The following DHRSX variants were observed in gnomAD, a reference collection of about 807,000 sequenced individuals.
DHRSX encodes dehydrogenase/reductase X-linked.
Under a neutral mutation model 34.0 loss-of-function variants are expected in DHRSX, and 31 were observed. The observed-to-expected ratio is 0.91, with a 90% CI of 0.69 to 1.23. DHRSX has a LOEUF of 1.23. Among genes scored for constraint, DHRSX ranks in the 50% most tolerant of loss-of-function variants. DHRSX has a pLI of 0.00. For synonymous variants in DHRSX, 201 were observed against 183.8 expected (o/e 1.09, Z -0.76); for missense variants, 414 against 428.1 (o/e 0.97, Z 0.29).
At chrX:2,359,935 G>T (rs1221997192) in intron 3 of DHRSX, among the ~76,000 whole-genome samples, 1 of 152,088 alleles carries the variant, frequency 6.6e-6, no homozygotes, top group Admixed American at 6.6e-5. Flanking sequence ...AAGGTGGGAG[G>T]AGGGACAGGA....
intron 6 of DHRSX, among the ~76,000 whole-genome samples, chrX:2,227,419 GGGAA>G (rs1273649024): frequency 4.0e-5 from 6 of 149,874 alleles, no homozygotes; most frequent in African/African-American, 1.5e-4. Flanking sequence ...CATAATGGGA[GGGAA>G]GGAAGGAGTG....
At chrX:2,255,736 A>C (rs2041267821) in intron 5 of DHRSX, among the ~76,000 whole-genome samples, 1 of 150,292 alleles carries the variant, frequency 6.7e-6, no homozygotes. Context: ...CATGGTGAAA[A>C]CCCAGCTCTA....
intron 1 of DHRSX, 35 bp downstream of exon 1, chrX:2,500,781 TC>T: frequency 2.4e-6 from 2 of 820,938 alleles, no homozygotes; most frequent in Non-Finnish European, 2.9e-6. Flanking sequence ...CCCACCCGGG[TC>T]CCCGGAGCCC....
chrX:2,443,544 T>C (rs1026035366), intron 1 of DHRSX, among the ~76,000 whole-genome samples: 5 of 152,044 alleles, frequency 3.3e-5, no homozygotes, highest in Admixed American at 2.6e-4. Flanking sequence ...ATGAGCTGCA[T>C]GACAGGGGAA....
At chrX:2,256,337 C>G (rs62595495) in intron 5 of DHRSX, among the ~76,000 whole-genome samples, 1 of 150,828 alleles carries the variant, frequency 6.6e-6, no homozygotes, top group Non-Finnish European at 1.5e-5. Context: ...GGAGTGCAAG[C>G]TGGGCTGGAG....
At chrX:2,304,204 A>ATGGATGG (rs2042067645) in intron 3 of DHRSX, among the ~76,000 whole-genome samples, 3 of 62,044 alleles carry the variant, frequency 4.8e-5, no homozygotes, top group African/African-American at 2.2e-4. Flanking sequence ...TGGATGGATA[A>ATGGATGG]ATGGATGGAT....
intron 3 of DHRSX, among the ~76,000 whole-genome samples, chrX:2,379,144 T>C (rs1239320600): frequency 1.3e-5 from 2 of 151,742 alleles, no homozygotes; most frequent in African/African-American, 4.9e-5. Flanking sequence ...AGTGAAGAGT[T>C]ACACAAGGTC....
chrX:2,366,466 A>G (rs2042995543), intron 3 of DHRSX, among the ~76,000 whole-genome samples: 1 of 152,118 alleles, frequency 6.6e-6, no homozygotes, highest in Non-Finnish European at 1.5e-5. Flanking sequence ...AGAAAAGAAA[A>G]AGAAAATAGT....
At chrX:2,243,799 T>TG (rs1485746466) in intron 5 of DHRSX, among the ~76,000 whole-genome samples, 7 of 23,356 alleles carry the variant, frequency 3.0e-4, no homozygotes, top group Admixed American at 5.6e-4. Context: ...TTTTTTTTTT[T>TG]TTTTTTTTTT....
intron 1 of DHRSX, among the ~76,000 whole-genome samples, chrX:2,427,155 A>C (rs1412424895): frequency 1.3e-5 from 2 of 152,232 alleles, no homozygotes; most frequent in African/African-American, 4.8e-5. Context: ...TTAGAGAACA[A>C]TCTTCCAAGG....
chrX:2,302,612 A>AAAATAAAT (rs746166098), intron 3 of DHRSX, among the ~76,000 whole-genome samples: 60,674 of 149,732 alleles, frequency 0.41, 13,278 homozygotes, highest in Middle Eastern at 0.53. Context: ...ACTGTCTCAA[A>AAAATAAAT]AAATAAATAA....
chrX:2,452,706 A>G (rs1456962747), intron 1 of DHRSX, among the ~76,000 whole-genome samples: 1 of 151,820 alleles, frequency 6.6e-6, no homozygotes, highest in Non-Finnish European at 1.5e-5. Flanking sequence ...TGCCAAGTAC[A>G]CACTGAATAT....
chrX:2,308,055 G>C (rs1213873430), intron 3 of DHRSX, among the ~76,000 whole-genome samples: 1 of 152,024 alleles, frequency 6.6e-6, no homozygotes. Context: ...TACCTTCAAC[G>C]ATACCTTCAT....
chrX:2,448,432 G>C (rs1252146336), intron 1 of DHRSX, among the ~76,000 whole-genome samples: 1 of 151,870 alleles, frequency 6.6e-6, no homozygotes, highest in African/African-American at 2.4e-5. Context: ...ATAATACATC[G>C]CATCTTTCAA....
chrX:2,464,133 C>A (rs1230069908), intron 1 of DHRSX, among the ~76,000 whole-genome samples: 1 of 151,570 alleles, frequency 6.6e-6, no homozygotes, highest in East Asian at 1.9e-4. Flanking sequence ...CCGCCATGTA[C>A]GCACTGAAGA....
intron 5 of DHRSX, among the ~76,000 whole-genome samples, chrX:2,249,191 CTTTT>C (rs541852639): frequency 1.7e-5 from 2 of 118,878 alleles, no homozygotes; most frequent in African/African-American, 3.3e-5. Flanking sequence ...AATCATAAAT[CTTTT>C]TTTTTTTTTT....
chrX:2,292,143 CTG>C (rs1422832984), intron 3 of DHRSX, among the ~76,000 whole-genome samples: 1 of 152,100 alleles, frequency 6.6e-6, no homozygotes, highest in Non-Finnish European at 1.5e-5. Context: ...TTCCTTGAGT[CTG>C]TGTGGGACCT....
rs186256047 is a variant in DHRSX at position 2,467,159 on chromosome X, T to C, written c.109+33658A>G. On this transcript the variant is annotated intron_variant, in intron 1 of 6. Transcript: ENST00000334651. ...TAAGCCCTTTAAAATGTTAGGGTAG[T>C]GTCTTAGGAAATCAGGGATTTCCAA... Among the ~76,000 whole-genome samples the C allele has an allele frequency of 8.0e-3, 1,218 of 151,906 alleles. 58 individuals carry two copies. Among genetic ancestry groups the C allele is most frequent in the Non-Finnish European group, 1.3e-3 (87 of 67,982 alleles).
At chrX:2,330,735 G>GGGGAAGAGGA (rs1186228267) in intron 3 of DHRSX, among the ~76,000 whole-genome samples, 1 of 150,918 alleles carries the variant, frequency 6.6e-6, no homozygotes, top group African/African-American at 2.4e-5. Context: ...AGAAGTAGGA[G>GGGGAAGAGGA]GGGAAGAGGA....
Sources: gnomAD v4.1 joint callset for allele counts (sites outside exome capture counted in the v4.1 genomes callset) on GRCh38, gnomAD v4.1.1 for gene constraint, MANE v1.5 for transcripts, NCBI Gene and HGNC (gene_info 2026-07-23, HGNC 2026-07-21) for gene names.